BCL9: variants seen among roughly 807,000 people sequenced by gnomAD.
BCL9 encodes the protein B-cell CLL/lymphoma 9 protein.
In BCL9, 25 loss-of-function variants were observed where a neutral mutation model predicts 88.5. The observed-to-expected ratio is 0.28, with a 90% CI of 0.21 to 0.39. BCL9 has a LOEUF of 0.39. Ranked by LOEUF, BCL9 falls within the 10% of genes least tolerant of loss-of-function variation. The pLI, the probability that BCL9 is intolerant of heterozygous loss-of-function variation, is 1.00. For missense variants in BCL9, 1,817 were observed against 1,877.8 expected, an observed-to-expected ratio of 0.97 and a Z score of 0.60; for synonymous variants, 711 against 673.3, an observed-to-expected ratio of 1.06 and a Z score of -0.87.
At chr1:147,570,048 T>C (rs1268730271) in intron 1 of BCL9, among the ~76,000 whole-genome samples, 2 of 152,220 alleles carry the variant, frequency 1.3e-5, no homozygotes, top group East Asian at 1.9e-4. Context: ...GAGCTTGTGG[T>C]TGGAAAAATC....
At chr1:147,551,244 TAGTA>T (rs1557819294) in intron 1 of BCL9, among the ~76,000 whole-genome samples, 1 of 152,162 alleles carries the variant, frequency 6.6e-6, no homozygotes, top group Admixed American at 6.5e-5. Context: ...ATCATCCAAT[TAGTA>T]AGTGACAACT....
Position 147,624,393 on chromosome 1 carries a change from A to G in BCL9, c.3715A>G (p.Ile1239Val), listed in dbSNP as rs1258644237. Residue 1239 changes from isoleucine (I) to valine (V), a missense_variant, in exon 10 of 10, where the codon ATT (isoleucine) becomes GTT (valine). By Grantham distance (29) the Ile-to-Val change is conservative (BLOSUM62 3). This residue lies in a region of BCL9 where 589 missense variants were observed against 686.2 expected (regional missense o/e 0.86). Coordinates refer to ENST00000234739, the MANE Select transcript of BCL9 (RefSeq NM_004326.4). This position sits in a 1 kb window ranked among gnomAD's most constrained non-coding sequence, Gnocchi z 4.4. ...AATACCTGAGTTTGATCTATCCCGCATTATTCCATCTGAGAAGCCCAGCCA... is the reference window on the plus strand; with the variant it reads ...AATACCTGAGTTTGATCTATCCCGCGTTATTCCATCTGAGAAGCCCAGCCA... ...TGIPEFDLSR[I>V]IPSEKPSQTL... The G allele has an allele frequency of 1.9e-6, 3 of 1,614,080 alleles. No individual in the cohort carries two copies. The highest frequency in any genetic ancestry group is 2.2e-5 in the East Asian group (1 of 44,884).
rs1553204707 is a variant in BCL9, at chr1:147,619,695, C to T, written c.1540C>T (p.Pro514Ser). The change falls in exon 8 of 10, where the codon CCC (proline) becomes TCC (serine). Residue 514 changes from proline to serine, a missense_variant. Around this residue, in one of 2 missense-constraint regions of BCL9, gnomAD observed 1,228 missense variants for 1,191.6 expected, o/e 1.03. Transcript: ENST00000234739. The surrounding 1 kb of genome is among the most constrained non-coding windows in gnomAD (Gnocchi z 4.1). ...QHGPRGVVRG[P>S]PPPYQMTPSE... ...CGGGCCTCGGGGAGTGGTCCGAGGACCCCCCCCTCCATACCAGATGACCCC... is the reference window on the plus strand; with the variant it reads ...CGGGCCTCGGGGAGTGGTCCGAGGATCCCCCCCTCCATACCAGATGACCCC... 6.2e-7 allele frequency: 1 copy of T among 1,611,938 alleles called. No individual in the cohort carries two copies. Among genetic ancestry groups the T allele is most frequent in the Non-Finnish European group, 8.5e-7 (1 of 1,179,152 alleles).
intron 1 of BCL9, among the ~76,000 whole-genome samples, chr1:147,550,241 C>T (rs1302758235): frequency 2.0e-5 from 3 of 152,114 alleles, no homozygotes; most frequent in African/African-American, 7.2e-5. Context: ...GAGCGGTTGT[C>T]ACTTGGTATA....
In BCL9 at chr1:147,598,934, C is replaced by T. The variant is rs113085271; in HGVS notation, c.-477-5843C>T. On this transcript the variant is annotated intron_variant, in intron 1 of 9. Coordinates refer to ENST00000234739, the MANE Select transcript of BCL9 (RefSeq NM_004326.4). ...GCTTTGATTCAGCAACATGCTCTAACCATGATGCCGTCATTTTTTCCTTCT... is the reference window on the plus strand; with the variant it reads ...GCTTTGATTCAGCAACATGCTCTAATCATGATGCCGTCATTTTTTCCTTCT... Among the ~76,000 whole-genome samples, 1,233 of 152,348 alleles carry T rather than the reference C, an allele frequency of 8.1e-3. 8 individuals carry two copies. The highest frequency in any genetic ancestry group is 0.013 in the Non-Finnish European group (856 of 68,036).
chr1:147,594,537 G>C (rs1366128101), intron 1 of BCL9, among the ~76,000 whole-genome samples: 3 of 152,136 alleles, frequency 2.0e-5, no homozygotes, highest in Non-Finnish European at 4.4e-5. Context: ...TAGATGTGCT[G>C]GTCATAGTTA....
chr1:147,622,655 T>C, intron 9 of BCL9, 124 bp downstream of exon 9: 1 of 1,231,562 alleles, frequency 8.1e-7, no homozygotes, highest in Non-Finnish European at 1.1e-6. Context: ...AAATCTTCCA[T>C]CTAAGGTAGT....
rs781918086 is a variant in BCL9, at chr1:147,619,664, T to C, written c.1509T>C (p.His503=). Reference sequence around the variant, plus strand: ...GTTCCCTCCAGGACATGATGGTCCATCAGCACGGGCCTCGGGGAGTGGTCC... The same window carrying C: ...GTTCCCTCCAGGACATGATGGTCCACCAGCACGGGCCTCGGGGAGTGGTCC... ...QQCSLQDMMV[H]QHGPRGVVRG... is the part of the protein sequence containing the mutation. The change falls in exon 8 of 10, where the codon CAT becomes CAC. Residue 503 remains histidine, a synonymous_variant. Transcript: ENST00000234739. The surrounding 1 kb of genome is among the most constrained non-coding windows in gnomAD (Gnocchi z 4.1). 1.9e-6 allele frequency: 3 copies of C among 1,614,034 alleles called. No individual in the cohort carries two copies. Among genetic ancestry groups the C allele is most frequent in the Non-Finnish European group, 2.5e-6 (3 of 1,180,004 alleles).
At chr1:147,569,394 C>T (rs782087998) in intron 1 of BCL9, among the ~76,000 whole-genome samples, 3 of 148,684 alleles carry the variant, frequency 2.0e-5, no homozygotes, top group Non-Finnish European at 4.4e-5. Flanking sequence ...TTTGGGAAGC[C>T]GAGGAGGGTG....
At chr1:147,574,887 A>G (rs973911352) in intron 1 of BCL9, among the ~76,000 whole-genome samples, 19 of 152,262 alleles carry the variant, frequency 1.2e-4, no homozygotes, top group African/African-American at 4.6e-4. Context: ...TCTGAGCCAA[A>G]GGCATTTTTC....
intron 1 of BCL9, among the ~76,000 whole-genome samples, chr1:147,577,397 A>G (rs1318493790): frequency 6.6e-6 from 1 of 152,152 alleles, no homozygotes; most frequent in African/African-American, 2.4e-5. Flanking sequence ...GGATGGAGAC[A>G]GACTCTCATG....
At chr1:147,572,807 T>C (rs945982652) in intron 1 of BCL9, among the ~76,000 whole-genome samples, 5 of 152,222 alleles carry the variant, frequency 3.3e-5, no homozygotes, top group African/African-American at 9.6e-5. Flanking sequence ...CTCGAACTCC[T>C]GGCCTCAAGT....
rs1389340738 is a variant in BCL9, at chr1:147,619,686, G to A, written c.1531G>A (p.Val511Ile). The A allele has an allele frequency of 2.5e-6, 4 of 1,614,004 alleles. No homozygotes were observed. The highest frequency in any genetic ancestry group is 1.7e-5 in the Admixed American group (1 of 60,020). The change falls in exon 8 of 10, where the codon GTC (valine) becomes ATC (isoleucine). Residue 511 changes from valine to isoleucine, a missense_variant. By Grantham distance (29) the Val-to-Ile change is conservative (BLOSUM62 3). This residue lies in a region of BCL9 where 1,228 missense variants were observed against 1,191.6 expected (regional missense o/e 1.03). Transcript: ENST00000234739. This position sits in a 1 kb window ranked among gnomAD's most constrained non-coding sequence, Gnocchi z 4.1. ...MVHQHGPRGV[V>I]RGPPPPYQMT... ...CCATCAGCACGGGCCTCGGGGAGTG[G>A]TCCGAGGACCCCCCCCTCCATACCA...
rs782716934 is a variant in BCL9 at position 147,624,882 on chromosome 1, C to G, written c.4204C>G (p.Pro1402Ala). Reference sequence around the variant, plus strand: ...CATCATGATCCCCCCACAGATGAGGCCCCGGGGCATGGCTGCTGACGTGGG... The same window carrying G: ...CATCATGATCCCCCCACAGATGAGGGCCCGGGGCATGGCTGCTGACGTGGG... The part of the protein sequence containing the change: ...QNIMIPPQMR[P>A]RGMAADVGMG... Residue 1402 changes from proline (P) to alanine (A), a missense_variant, in exon 10 of 10, where the codon CCC (proline) becomes GCC (alanine). Physicochemically the swap from Pro to Ala is conservative, Grantham distance 27. Around this residue, in one of 2 missense-constraint regions of BCL9, gnomAD observed 589 missense variants for 686.2 expected, o/e 0.86. Transcript: ENST00000234739. This position sits in a 1 kb window ranked among gnomAD's most constrained non-coding sequence, Gnocchi z 4.4. The G allele has an allele frequency of 6.2e-7, 1 of 1,614,138 alleles. No homozygotes were observed. The highest frequency in any genetic ancestry group is 1.1e-5 in the South Asian group (1 of 91,080).
At chr1:147,572,866 C>G (rs587617841) in intron 1 of BCL9, among the ~76,000 whole-genome samples, 10 of 152,248 alleles carry the variant, frequency 6.6e-5, no homozygotes, top group Admixed American at 1.3e-4. Context: ...AGGCGTGAGC[C>G]GCTACACATG....
intron 1 of BCL9, among the ~76,000 whole-genome samples, chr1:147,590,223 G>A (rs1396649170): frequency 1.3e-5 from 2 of 152,068 alleles, no homozygotes; most frequent in African/African-American, 4.8e-5. Context: ...TGTCATTTTT[G>A]AATTCATCTC....
intron 1 of BCL9, among the ~76,000 whole-genome samples, chr1:147,543,123 A>AT (rs1241012335): frequency 6.6e-6 from 1 of 151,886 alleles, no homozygotes; most frequent in Non-Finnish European, 1.5e-5. Flanking sequence ...CATCTTAACA[A>AT]TTTTTTTTGA....
intron 1 of BCL9, among the ~76,000 whole-genome samples, chr1:147,592,802 C>T (rs1280433576): frequency 6.6e-6 from 1 of 152,134 alleles, no homozygotes; most frequent in African/African-American, 2.4e-5. Context: ...AGGCACTATT[C>T]CTACATGTCT....
chr1:147,573,990 C>T (rs113380899), intron 1 of BCL9, among the ~76,000 whole-genome samples: 7 of 152,182 alleles, frequency 4.6e-5, no homozygotes, highest in African/African-American at 1.7e-4. Flanking sequence ...AGTGAGGGCT[C>T]ATTGAGGGCT....
Sources: gnomAD v4.1 joint callset for allele counts (sites outside exome capture counted in the v4.1 genomes callset) on GRCh38, gnomAD v4.1.1 for gene constraint, gnomAD v4.1.1 regional missense constraint, Gnocchi (gnomAD v3.1) non-coding constraint, MANE v1.5 for transcripts, NCBI Gene and HGNC (gene_info 2026-07-23, HGNC 2026-07-21) for gene names.